BCAR3: variants seen among roughly 807,000 people sequenced by gnomAD.
BCAR3 encodes breast cancer anti-estrogen resistance protein 3.
In BCAR3, 37 loss-of-function variants were observed where a neutral mutation model predicts 80.1. The observed-to-expected ratio is 0.46, with a 90% CI of 0.36 to 0.61. BCAR3 has a LOEUF of 0.61. Among genes scored for constraint, BCAR3 ranks in the 20% least tolerant of loss-of-function variants. The probability of loss-of-function intolerance (pLI) is 0.00; values close to 1 mark genes in which losing one functional copy is unlikely to be tolerated. For synonymous variants in BCAR3, 389 were observed against 418.9 expected, an observed-to-expected ratio of 0.93 and a Z score of 0.87; for missense variants, 978 against 1,068.2, an observed-to-expected ratio of 0.92 and a Z score of 1.18.
At position 93,582,643 on chromosome 1, in the gene BCAR3, T is replaced by C. The variant is rs376542526; in HGVS notation, c.1344A>G (p.Ser448=). 1 of 1,614,006 alleles carries C rather than the reference T, an allele frequency of 6.2e-7. No homozygotes were observed. The highest frequency in any genetic ancestry group is 1.3e-5 in the African/African-American group (1 of 74,998). The change falls in exon 7 of 12, where the codon TCA becomes TCG. Residue 448 remains serine (S), a synonymous_variant. Transcript: ENST00000260502. ...TGCGRGAKLP[S]CAQGSHTELL... ...GTTCTGTGTGGCTTCCCTGGGCACA[T>C]GAGGGTAGCTTTGCTCCCCTGCCGC...
intron 3 of BCAR3, among the ~76,000 whole-genome samples, chr1:93,634,194 C>T (rs1445847717): frequency 2.6e-5 from 4 of 152,134 alleles, no homozygotes; most frequent in Non-Finnish European, 5.9e-5. Flanking sequence ...AGTACGTAGC[C>T]TTTGAGACTG....
At position 93,692,608 on chromosome 1, in the gene BCAR3, G is replaced by A. The variant is rs74817963; in HGVS notation, c.-12+13484C>T. Reference sequence around the variant, plus strand: ...GGGTTATTAAGCCCTTTTTATAGACGAGAAAATGAAAGCACAAAAAGGCAG... The same window carrying A: ...GGGTTATTAAGCCCTTTTTATAGACAAGAAAATGAAAGCACAAAAAGGCAG... On this transcript the variant is annotated intron_variant, in intron 3 of 13. Transcript: ENST00000370244. Among the ~76,000 whole-genome samples, 250 of 152,284 alleles carry A rather than the reference G, an allele frequency of 1.6e-3. 1 individual carries two copies. Among genetic ancestry groups the A allele is most frequent in the African/African-American group, 5.6e-3 (233 of 41,558 alleles).
chr1:93,589,450 G>C, intron 4 of BCAR3, 31 bp from the exon 5 acceptor site: 1 of 1,569,670 alleles, frequency 6.4e-7, no homozygotes, highest in Non-Finnish European at 8.7e-7. Context: ...TGAGGAGTAG[G>C]AAAGGCAAAT....
rs893961986 is a variant in BCAR3, at chr1:93,562,132, T to C, written c.*109A>G. ...TAATATCCTGTGGATACTAAAAGCT[T>C]GTATATTGTCAGATTTGCACATTAT... On this transcript the variant is annotated 3_prime_UTR_variant, in exon 12 of 12. Coordinates refer to ENST00000260502, the MANE Select transcript of BCAR3 (RefSeq NM_003567.4). 1 of 1,192,374 alleles carries C rather than the reference T, an allele frequency of 8.4e-7. No homozygotes were observed. The highest frequency in any genetic ancestry group is 1.2e-6 in the Non-Finnish European group (1 of 854,120). 73.9% of individuals were successfully genotyped at this position (1,192,374 alleles called of 1,614,324 possible).
intron 2 of BCAR3, among the ~76,000 whole-genome samples, chr1:93,668,105 A>C (rs1255714893): frequency 2.0e-5 from 3 of 152,144 alleles, no homozygotes; most frequent in Admixed American, 6.6e-5. Flanking sequence ...CTGAAAAAAA[A>C]CATGATTTAA....
intron 2 of BCAR3, among the ~76,000 whole-genome samples, chr1:93,662,620 A>G (rs1647716659): frequency 6.6e-6 from 1 of 152,134 alleles, no homozygotes; most frequent in Non-Finnish European, 1.5e-5. Context: ...TTCCTGTATT[A>G]TCATCTAGCC....
intron 2 of BCAR3, among the ~76,000 whole-genome samples, chr1:93,801,260 T>C (rs751358390): frequency 5.9e-5 from 9 of 152,258 alleles, no homozygotes; most frequent in African/African-American, 9.6e-5. Context: ...AGTAAGTTGT[T>C]GAATCTGTAA....
At chr1:93,564,709 C>T (rs1020653612) in intron 11 of BCAR3, among the ~76,000 whole-genome samples, 92 of 152,294 alleles carry the variant, frequency 6.0e-4, no homozygotes, top group African/African-American at 2.0e-3. Flanking sequence ...AGGTAAGGAT[C>T]GAGATTCACT....
chr1:93,737,806 T>C (rs1362694909), intron 2 of BCAR3, among the ~76,000 whole-genome samples: 1 of 152,126 alleles, frequency 6.6e-6, no homozygotes, highest in East Asian at 1.9e-4. Context: ...TGGTCAATGA[T>C]GAAACTGTGC....
At chr1:93,658,280 A>G (rs1019135696) in intron 2 of BCAR3, among the ~76,000 whole-genome samples, 1 of 152,140 alleles carries the variant, frequency 6.6e-6, no homozygotes, top group South Asian at 2.1e-4. Context: ...GGTCTTAGCC[A>G]GTACAGTTAA....
chr1:93,803,160 G>C (rs1653547303), intron 2 of BCAR3, among the ~76,000 whole-genome samples: 1 of 152,022 alleles, frequency 6.6e-6, no homozygotes, highest in African/African-American at 2.4e-5. Context: ...TGCCATGAGG[G>C]ATCTCCTGCA....
At chr1:93,674,970 TA>T in intron 1 of BCAR3, 29 bp from the exon 2 acceptor site, 5 of 1,488,420 alleles carry the variant, frequency 3.4e-6, no homozygotes, top group Non-Finnish European at 4.5e-6. Flanking sequence ...AGTGAAGGTA[TA>T]AATCTATGAG....
At chr1:93,750,724 G>A (rs1314214510) in intron 2 of BCAR3, among the ~76,000 whole-genome samples, 3 of 152,182 alleles carry the variant, frequency 2.0e-5, no homozygotes, top group East Asian at 1.9e-4. Context: ...GGGAGGCCAC[G>A]TGTAGGCCCT....
chr1:93,743,945 T>C (rs534413361), intron 2 of BCAR3, among the ~76,000 whole-genome samples: 53 of 152,220 alleles, frequency 3.5e-4, no homozygotes, highest in African/African-American at 1.2e-3. Flanking sequence ...GGGAAGGGCA[T>C]GGGGATGTGT....
chr1:93,683,561 C>T (rs1386059442), upstream of BCAR3, among the ~76,000 whole-genome samples: 5 of 152,112 alleles, frequency 3.3e-5, no homozygotes, highest in African/African-American at 1.2e-4. Context: ...TGTCCATCAG[C>T]AGAAGAGAGA....
intron 2 of BCAR3, among the ~76,000 whole-genome samples, chr1:93,726,631 C>G (rs1650593348): frequency 6.6e-6 from 1 of 152,086 alleles, no homozygotes; most frequent in Non-Finnish European, 1.5e-5. Context: ...ACACTTTTGC[C>G]CACAATCTGG....
intron 2 of BCAR3, among the ~76,000 whole-genome samples, chr1:93,728,822 T>G (rs1650684852): frequency 6.6e-6 from 1 of 151,920 alleles, no homozygotes; most frequent in South Asian, 2.1e-4. Context: ...CCTGCTAGGG[T>G]CTCAGGGTTT....
chr1:93,564,729 A>G (rs1000793615), intron 11 of BCAR3, among the ~76,000 whole-genome samples: 5 of 152,150 alleles, frequency 3.3e-5, no homozygotes, highest in Admixed American at 3.3e-4. Context: ...TTTTTTGCAT[A>G]TGGATATCCA....
intron 2 of BCAR3, among the ~76,000 whole-genome samples, chr1:93,800,499 C>T (rs1011124800): frequency 6.6e-6 from 1 of 151,994 alleles, no homozygotes; most frequent in Non-Finnish European, 1.5e-5. Flanking sequence ...TTGGTTAAAC[C>T]CGGGAGGCAG....
Sources: allele counts gnomAD v4.1 joint callset (sites outside exome capture counted in the v4.1 genomes callset), GRCh38; gene constraint gnomAD v4.1.1; transcripts MANE v1.5; gene names NCBI Gene and HGNC (gene_info 2026-07-23, HGNC 2026-07-21).